FAM13A: variants seen among roughly 807,000 people sequenced by gnomAD.
The protein encoded by FAM13A is protein FAM13A.
Under a neutral mutation model 129.6 loss-of-function variants are expected in FAM13A, and 76 were observed. The observed-to-expected ratio is 0.59, with a 90% CI of 0.49 to 0.71. FAM13A has a LOEUF of 0.71. Ranked by LOEUF, FAM13A falls within the 30% of genes least tolerant of loss-of-function variation. The pLI, the probability that FAM13A is intolerant of heterozygous loss-of-function variation, is 0.00. For missense variants in FAM13A, 1,108 were observed against 1,249.3 expected (o/e 0.89, Z 1.70); for synonymous variants, 443 against 449.9 (o/e 0.98, Z 0.20).
intron 6 of FAM13A, among the ~76,000 whole-genome samples, chr4:88,893,557 A>G (rs1398527627): frequency 6.6e-6 from 1 of 151,580 alleles, no homozygotes; most frequent in Admixed American, 6.6e-5. Flanking sequence ...CAGGAGGCGG[A>G]GCTTGCAGTG....
At chr4:88,873,009 G>T (rs1447449688) in intron 6 of FAM13A, among the ~76,000 whole-genome samples, 1 of 152,092 alleles carries the variant, frequency 6.6e-6, no homozygotes, top group Admixed American at 6.6e-5. Context: ...ACTCCTATAT[G>T]GAAACTGAAT....
chr4:88,834,958 C>CA (rs1553999689), intron 7 of FAM13A, among the ~76,000 whole-genome samples: 1 of 151,736 alleles, frequency 6.6e-6, no homozygotes, highest in Admixed American at 6.6e-5. Flanking sequence ...TGCATTACAG[C>CA]TTTTTTTTTC....
intron 11 of FAM13A, among the ~76,000 whole-genome samples, chr4:88,772,474 T>C (rs1456642275): frequency 6.6e-6 from 1 of 152,332 alleles, no homozygotes; most frequent in African/African-American, 2.4e-5. Flanking sequence ...TCTCTCGTGA[T>C]CTGGTACAAC....
rs1426694178 is a variant in FAM13A, at chr4:88,849,735, ATC to A, written c.1007+1283_1007+1284del. ...TCGTTGGTTTTGTTCATTGCTCTGCATCTCCAGTCTTAAAGCAGTTCGTGGAA... is the reference window on the plus strand; with the variant it reads ...TCGTTGGTTTTGTTCATTGCTCTGCATCCAGTCTTAAAGCAGTTCGTGGAA... On this transcript the variant is annotated intron_variant, in intron 7 of 23. Coordinates refer to ENST00000264344, the MANE Select transcript of FAM13A (RefSeq NM_014883.4). Among the ~76,000 whole-genome samples, 12 of 152,072 alleles carry A rather than the reference ATC, an allele frequency of 7.9e-5. 1 individual carries two copies. The highest frequency in any genetic ancestry group is 1.5e-4 in the Non-Finnish European group (10 of 68,028).
At chr4:88,914,542 T>TGCTCTAGCATA (rs1749767712) in intron 5 of FAM13A, among the ~76,000 whole-genome samples, 1 of 152,216 alleles carries the variant, frequency 6.6e-6, no homozygotes, top group African/African-American at 2.4e-5. Context: ...TTTTCCACAC[T>TGCTCTAGCATA]GCTCTAGCAT....
intron 14 of FAM13A, among the ~76,000 whole-genome samples, chr4:88,756,731 CAG>C (rs1335733267): frequency 6.6e-6 from 1 of 152,020 alleles, no homozygotes; most frequent in African/African-American, 2.4e-5. Flanking sequence ...TTTTAGTGAT[CAG>C]ACTTATTGCT....
At chr4:88,801,392 A>C (rs2149725289) in intron 8 of FAM13A, among the ~76,000 whole-genome samples, 1 of 152,352 alleles carries the variant, frequency 6.6e-6, no homozygotes, top group Non-Finnish European at 1.5e-5. Context: ...AAAATTAGAA[A>C]ACAGATGAAA....
At chr4:88,912,761 C>T (rs529441435) in intron 5 of FAM13A, among the ~76,000 whole-genome samples, 2 of 152,226 alleles carry the variant, frequency 1.3e-5, no homozygotes, top group African/African-American at 4.8e-5. Flanking sequence ...TTTCTGAATC[C>T]TCTACTAAAG....
chr4:88,844,618 T>C (rs1295711829), intron 7 of FAM13A, among the ~76,000 whole-genome samples: 2 of 152,162 alleles, frequency 1.3e-5, no homozygotes, highest in Non-Finnish European at 2.9e-5. Context: ...GGTTCTCTGA[T>C]GGCTCTAGGT....
At chr4:89,042,690 A>G (rs984091197) in intron 1 of FAM13A, among the ~76,000 whole-genome samples, 73 of 152,316 alleles carry the variant, frequency 4.8e-4, no homozygotes, top group African/African-American at 1.7e-3. Context: ...ATCTTTAAAC[A>G]TTCACAGAAA....
At chr4:88,788,499 C>T (rs1724442531) in intron 9 of FAM13A, among the ~76,000 whole-genome samples, 1 of 152,102 alleles carries the variant, frequency 6.6e-6, no homozygotes, top group South Asian at 2.1e-4. Flanking sequence ...AACCTCTATT[C>T]AATTAAATTG....
intron 4 of FAM13A, among the ~76,000 whole-genome samples, chr4:88,954,763 AT>A (rs1757482306): frequency 1.3e-5 from 2 of 151,846 alleles, no homozygotes; most frequent in African/African-American, 4.8e-5. Flanking sequence ...GTGCGCGCCT[AT>A]AATCACAGCT....
At position 89,043,265 on chromosome 4, in the gene FAM13A, A is replaced by G. The variant is rs1385016673; in HGVS notation, c.28-13616T>C. ...GCACACCAAGGTGGCAGATATCAGG[A>G]AGCATTAGAAAAATACACTAACTAA... On this transcript the variant is annotated intron_variant, in intron 1 of 23. Transcript: ENST00000264344. Among the ~76,000 whole-genome samples the G allele has an allele frequency of 2.0e-5, 3 of 152,322 alleles. No individual in the cohort carries two copies. In the East Asian group the frequency reaches 5.8e-4, roughly 29 times the overall value.
intron 2 of FAM13A, among the ~76,000 whole-genome samples, chr4:89,025,477 G>A (rs1467143224): frequency 2.0e-5 from 3 of 151,016 alleles, no homozygotes; most frequent in African/African-American, 7.3e-5. Flanking sequence ...TGTTAGCCAG[G>A]ATGGTCTCGA....
At chr4:88,959,414 G>A (rs1451993069) in intron 4 of FAM13A, among the ~76,000 whole-genome samples, 1 of 152,198 alleles carries the variant, frequency 6.6e-6, no homozygotes, top group African/African-American at 2.4e-5. Flanking sequence ...GGTGATGAGT[G>A]AACTCTCACT....
At chr4:88,792,115 C>T (rs1355006582) in intron 8 of FAM13A, among the ~76,000 whole-genome samples, 1 of 152,000 alleles carries the variant, frequency 6.6e-6, no homozygotes, top group Non-Finnish European at 1.5e-5. Context: ...CTAAGACTTA[C>T]TGAGTACTTA....
chr4:88,865,968 T>A (rs1430689485), intron 6 of FAM13A, among the ~76,000 whole-genome samples: 1 of 146,058 alleles, frequency 6.8e-6, no homozygotes, highest in Non-Finnish European at 1.5e-5. Context: ...GCCTCCTGGG[T>A]TCAAGCGATT....
chr4:89,008,004 C>T (rs1297419127), intron 3 of FAM13A, among the ~76,000 whole-genome samples: 1 of 151,688 alleles, frequency 6.6e-6, no homozygotes, highest in Non-Finnish European at 1.5e-5. Context: ...TTTTTTTCCA[C>T]AGCATTTCAT....
chr4:88,918,366 T>C (rs981975379), intron 5 of FAM13A, among the ~76,000 whole-genome samples: 2 of 152,230 alleles, frequency 1.3e-5, no homozygotes, highest in Admixed American at 1.3e-4. Flanking sequence ...CTATGAAATA[T>C]GTGCTTTATT....
Sources: allele counts gnomAD v4.1 joint callset (sites outside exome capture counted in the v4.1 genomes callset), GRCh38; gene constraint gnomAD v4.1.1; transcripts MANE v1.5; gene names NCBI Gene and HGNC (gene_info 2026-07-23, HGNC 2026-07-21).